The following EPHA6 variants were observed in gnomAD, a reference collection of about 807,000 sequenced individuals.
EPHA6 encodes ephrin type-A receptor 6.
In EPHA6, 50 loss-of-function variants were observed where a neutral mutation model predicts 112.0. That is an observed-to-expected ratio of 0.45 (90% CI 0.36 to 0.56). The LOEUF (loss-of-function observed/expected upper bound fraction) is 0.56. EPHA6 is among the 20% of genes least tolerant of loss of function. The pLI is 0.00. For synonymous variants in EPHA6, 529 were observed against 490.7 expected (o/e 1.08, Z -1.03); for missense variants, 1,280 against 1,417.4 (o/e 0.90, Z 1.56).
At chr3:97,351,597 A>T (rs949569628) in intron 5 of EPHA6, among the ~76,000 whole-genome samples, 8 of 152,170 alleles carry the variant, frequency 5.3e-5, no homozygotes, top group African/African-American at 1.9e-4. Context: ...TCCTGAAATA[A>T]CTCATAATTT....
At chr3:97,483,873 A>C in intron 9 of EPHA6, 61 bp from the exon 10 acceptor site, 1 of 1,477,316 alleles carries the variant, frequency 6.8e-7, no homozygotes, top group Non-Finnish European at 9.0e-7. Context: ...TTAAATGTTC[A>C]CAAGATATAG....
intron 3 of EPHA6, among the ~76,000 whole-genome samples, chr3:97,028,527 A>G (rs1244010071): frequency 6.6e-6 from 1 of 152,092 alleles, no homozygotes; most frequent in Non-Finnish European, 1.5e-5. Context: ...TAGCTGTGGA[A>G]TATCCTTTCT....
rs1412629735 is a variant in EPHA6, at chr3:97,761,260, T to C, written c.*12559T>C. On this transcript the variant is annotated 3_prime_UTR_variant, in exon 18 of 18. Transcript: ENST00000389672. ...TTCATGTGCTGGCATGCTTACAAGT[T>C]AATAGTGTTATAGAATGCTCAGCTC... is the stretch of plus-strand genomic sequence containing the variant. 1 of 195,836 alleles carries C rather than the reference T, an allele frequency of 5.1e-6. No homozygotes were observed. The highest frequency in any genetic ancestry group is 8.0e-5 in the East Asian group (1 of 12,540). The allele number at this position is 195,836 out of a possible 1,614,324, so 12.1% of individuals were successfully genotyped here. A position where few individuals can be genotyped will look rare whatever the true frequency, so the allele number is the denominator to read the frequency against.
intron 3 of EPHA6, among the ~76,000 whole-genome samples, chr3:97,108,364 A>G (rs1286052097): frequency 6.6e-6 from 1 of 152,206 alleles, no homozygotes; most frequent in African/African-American, 2.4e-5. Flanking sequence ...ATATTTGCAG[A>G]TTTCATTCAT....
chr3:97,377,660 G>C (rs1263952104), intron 5 of EPHA6, among the ~76,000 whole-genome samples: 1 of 152,178 alleles, frequency 6.6e-6, no homozygotes, highest in African/African-American at 2.4e-5. Context: ...GGCTGAGTTG[G>C]TCTCAGATGG....
intron 5 of EPHA6, among the ~76,000 whole-genome samples, chr3:97,400,794 A>G (rs2086949983): frequency 6.6e-6 from 1 of 151,666 alleles, no homozygotes; most frequent in Admixed American, 6.6e-5. Flanking sequence ...GAATTTGTTT[A>G]TTAATTCTAA....
chr3:97,140,992 A>G (rs2075886179), intron 3 of EPHA6, among the ~76,000 whole-genome samples: 1 of 152,146 alleles, frequency 6.6e-6, no homozygotes, highest in South Asian at 2.1e-4. Context: ...AAGACATACC[A>G]TGCAAGCAAA....
chr3:97,004,721 T>G (rs547280992), intron 3 of EPHA6, among the ~76,000 whole-genome samples: 5 of 152,350 alleles, frequency 3.3e-5, no homozygotes, highest in African/African-American at 1.2e-4. Context: ...TGCCCATGCC[T>G]ATGTCCTGAA....
intron 5 of EPHA6, among the ~76,000 whole-genome samples, chr3:97,386,656 G>A (rs569145292): frequency 1.0e-3 from 152 of 152,280 alleles, no homozygotes; most frequent in African/African-American, 3.5e-3. Context: ...AACTGTCAGT[G>A]GGTCTACTCT....
At chr3:97,162,459 A>G (rs1340890013) in intron 3 of EPHA6, among the ~76,000 whole-genome samples, 1 of 152,190 alleles carries the variant, frequency 6.6e-6, no homozygotes, top group Non-Finnish European at 1.5e-5. Flanking sequence ...CTATGGGACA[A>G]AACTGAGCAA....
chr3:97,401,819 C>G lies in EPHA6; in HGVS notation c.1607-3331C>G, dbSNP rs954783304. The stretch of plus-strand genomic sequence containing the variant: ...GGAACTTATTGCTATAAACCTCACT[C>G]TTAGTATTGCCTTTGTATATCTCTT... On this transcript the variant is annotated intron_variant, in intron 5 of 17. Coordinates refer to ENST00000389672, the MANE Select transcript of EPHA6 (RefSeq NM_001080448.3). 6.6e-5 allele frequency among the ~76,000 whole-genome samples: 10 copies of G among 151,748 alleles called. No individual in the cohort carries two copies. The South Asian group carries it at 1.0e-3, about 16-fold the overall frequency.
At chr3:97,282,593 C>T (rs2080323334) in intron 5 of EPHA6, among the ~76,000 whole-genome samples, 1 of 152,088 alleles carries the variant, frequency 6.6e-6, no homozygotes, top group Admixed American at 6.5e-5. Flanking sequence ...ACCCAAACAC[C>T]CATCACTGAC....
intron 4 of EPHA6, among the ~76,000 whole-genome samples, chr3:97,237,166 G>GT (rs1306304200): frequency 6.8e-6 from 1 of 146,252 alleles, no homozygotes; most frequent in African/African-American, 2.6e-5. Context: ...ACGACAGTTT[G>GT]TTTTTTTTGT....
intron 2 of EPHA6, among the ~76,000 whole-genome samples, chr3:96,871,196 T>G (rs2036604886): frequency 6.6e-6 from 1 of 152,036 alleles, no homozygotes; most frequent in South Asian, 2.1e-4. Flanking sequence ...ATTAATCAAT[T>G]CTATCAGTGT....
chr3:97,126,219 A>G (rs764663749), intron 3 of EPHA6, among the ~76,000 whole-genome samples: 5 of 152,124 alleles, frequency 3.3e-5, no homozygotes, highest in Non-Finnish European at 5.9e-5. Context: ...CATACTGGCC[A>G]TATTAACAAG....
chr3:97,551,307 A>G (rs1459545542), intron 11 of EPHA6, among the ~76,000 whole-genome samples: 1 of 152,170 alleles, frequency 6.6e-6, no homozygotes, highest in African/African-American at 2.4e-5. Flanking sequence ...TCTGGGCCTG[A>G]GAAGTAAAAG....
At chr3:97,264,329 C>G (rs191207886) in intron 5 of EPHA6, among the ~76,000 whole-genome samples, 2 of 152,236 alleles carry the variant, frequency 1.3e-5, no homozygotes, top group African/African-American at 2.4e-5. Flanking sequence ...CCGGCCATTG[C>G]GCACAGTTGG....
In EPHA6 at chr3:97,758,017, G is replaced by A. The variant is rs1215976798; in HGVS notation, c.*9316G>A. 2.0e-5 allele frequency among the ~76,000 whole-genome samples: 3 copies of A among 151,586 alleles called. No homozygotes were observed. Among genetic ancestry groups the A allele is most frequent in the African/African-American group, 7.3e-5 (3 of 41,330 alleles). The stretch of plus-strand genomic sequence containing the variant: ...GAGAAAGCAAACTCTTCTCATGAAT[G>A]GAAATACAAAATGAAAATTCTCCAC... On this transcript the variant is annotated 3_prime_UTR_variant, in exon 18 of 18. Transcript: ENST00000389672.
intron 4 of EPHA6, among the ~76,000 whole-genome samples, chr3:97,234,854 A>G (rs568660773): frequency 6.6e-6 from 1 of 152,164 alleles, no homozygotes; most frequent in South Asian, 2.1e-4. Flanking sequence ...TGAGGTGCAA[A>G]GTCTTCTAGA....
Sources: gnomAD v4.1 joint callset for allele counts (sites outside exome capture counted in the v4.1 genomes callset) on GRCh38, gnomAD v4.1.1 for gene constraint, MANE v1.5 for transcripts, NCBI Gene and HGNC (gene_info 2026-07-23, HGNC 2026-07-21) for gene names.